The following PLXDC2 variants were observed in gnomAD, a reference collection of about 807,000 sequenced individuals.
The protein encoded by PLXDC2 is plexin domain-containing protein 2.
PLXDC2 carries 40 observed loss-of-function variants against 68.9 expected under a neutral mutation model. That is an observed-to-expected ratio of 0.58 (90% CI 0.45 to 0.76). The LOEUF (loss-of-function observed/expected upper bound fraction) is 0.76. PLXDC2 is among the 30% of genes least tolerant of loss of function. PLXDC2 has a pLI of 0.00. For missense variants in PLXDC2, 644 were observed against 661.9 expected (o/e 0.97, Z 0.30); for synonymous variants, 243 against 234.2 (o/e 1.04, Z -0.34).
chr10:20,082,064 C>CAAAAAAAAAA lies in PLXDC2; in HGVS notation c.541+13828_541+13837dup, dbSNP rs1252447303. Among the ~76,000 whole-genome samples, 247 of 70,008 alleles carry CAAAAAAAAAA rather than the reference C, an allele frequency of 3.5e-3. 11 individuals carry two copies. The highest frequency in any genetic ancestry group is 9.1e-3 in the Middle Eastern group (1 of 110). 45.9% of individuals were successfully genotyped at this position (70,008 alleles called of 152,430 possible). ...CCATCTGAAAAAAAAAAAAAAAAAT[C>CAAAAAAAAAA]AAAAAAAAAAAACAGGAGAAGTCTG... On this transcript the variant is annotated intron_variant, in intron 4 of 13. Transcript: ENST00000377252.
rs183438351 is a variant in PLXDC2 at position 20,038,818 on chromosome 10, C to A, written c.325-8051C>A. Among the ~76,000 whole-genome samples, 54 of 152,186 alleles carry A rather than the reference C, an allele frequency of 3.5e-4. No homozygotes were observed. In the East Asian group the frequency reaches 0.01, roughly 28 times the overall value. On this transcript the variant is annotated intron_variant, in intron 2 of 13. Transcript: ENST00000377252. The stretch of plus-strand genomic sequence containing the variant: ...CCACACCTCACTCCCTATAGGTCAC[C>A]TTCTAAGGTAATTGAAAAAGGTGGA...
At chr10:19,932,758 C>A (rs1052272635) in intron 1 of PLXDC2, among the ~76,000 whole-genome samples, 6 of 149,078 alleles carry the variant, frequency 4.0e-5, no homozygotes, top group South Asian at 2.2e-4. Context: ...ATTAAAAAAA[C>A]CACATTCTTT....
intron 13 of PLXDC2, among the ~76,000 whole-genome samples, chr10:20,259,117 A>G (rs938305602): frequency 2.6e-5 from 4 of 152,160 alleles, no homozygotes; most frequent in African/African-American, 9.6e-5. Context: ...ATGATTCTTT[A>G]TCTCTTATTG....
rs150815350 is a variant in PLXDC2 at position 19,903,055 on chromosome 10, A to G, written c.112+85864A>G. Among the ~76,000 whole-genome samples the G allele has an allele frequency of 1.4e-4, 22 of 152,272 alleles. 1 individual carries two copies. Among genetic ancestry groups the G allele is most frequent in the African/African-American group, 5.1e-4 (21 of 41,564 alleles). On this transcript the variant is annotated intron_variant, in intron 1 of 13. Transcript: ENST00000377252. Reference sequence around the variant, plus strand: ...GATCATGTCAGATTATCTTTTTGATATGCTGTGGGATTGAGTTAGCTAATA... The same window carrying G: ...GATCATGTCAGATTATCTTTTTGATGTGCTGTGGGATTGAGTTAGCTAATA...
At chr10:19,961,575 T>C (rs561179103) in intron 1 of PLXDC2, among the ~76,000 whole-genome samples, 1 of 152,354 alleles carries the variant, frequency 6.6e-6, no homozygotes, top group East Asian at 1.9e-4. Context: ...TGCAGTGAGC[T>C]AGGTTAACTT....
At chr10:19,902,398 G>A (rs1838175119) in intron 1 of PLXDC2, among the ~76,000 whole-genome samples, 1 of 152,046 alleles carries the variant, frequency 6.6e-6, no homozygotes, top group African/African-American at 2.4e-5. Flanking sequence ...TCCTTGGTAA[G>A]GTACATTCCT....
At chr10:20,105,268 A>G (rs1833477144) in intron 4 of PLXDC2, among the ~76,000 whole-genome samples, 1 of 152,134 alleles carries the variant, frequency 6.6e-6, no homozygotes, top group Admixed American at 6.5e-5. Flanking sequence ...ATGTACCACA[A>G]ATATTTGTGC....
Position 20,186,483 on chromosome 10 carries a change from G to A in PLXDC2, c.1061+9074G>A, listed in dbSNP as rs185930735. Among the ~76,000 whole-genome samples, 162 of 151,832 alleles carry A rather than the reference G, an allele frequency of 1.1e-3. 1 individual carries two copies. The highest frequency in any genetic ancestry group is 3.2e-3 in the African/African-American group (134 of 41,466). On this transcript the variant is annotated intron_variant, in intron 9 of 13. Transcript: ENST00000377252. ...TTATATAGGTAAACTCACGTCATGG[G>A]GGTTTGATATGTGGATTATTTTGTC...
chr10:20,271,905 T>A (rs1474320734), intron 13 of PLXDC2, among the ~76,000 whole-genome samples: 1 of 152,222 alleles, frequency 6.6e-6, no homozygotes, highest in Non-Finnish European at 1.5e-5. Context: ...CCCGTTCAAG[T>A]TTTTATGTAC....
chr10:20,103,893 T>C (rs2131741861), intron 4 of PLXDC2, among the ~76,000 whole-genome samples: 1 of 152,298 alleles, frequency 6.6e-6, no homozygotes, highest in South Asian at 2.1e-4. Context: ...TCCGCCTGCC[T>C]TGGCCGCCCA....
chr10:19,888,650 A>G (rs1837891859), intron 1 of PLXDC2, among the ~76,000 whole-genome samples: 2 of 152,182 alleles, frequency 1.3e-5, no homozygotes, highest in African/African-American at 2.4e-5. Context: ...GACAAGGACA[A>G]CATTGGAAGA....
chr10:19,977,911 G>A (rs1175240930), intron 1 of PLXDC2, among the ~76,000 whole-genome samples: 2 of 152,124 alleles, frequency 1.3e-5, no homozygotes, highest in East Asian at 1.9e-4. Flanking sequence ...CTTGAAAAAT[G>A]TAAACATTTA....
chr10:19,823,580 G>T (rs1836518631), intron 1 of PLXDC2, among the ~76,000 whole-genome samples: 1 of 151,936 alleles, frequency 6.6e-6, no homozygotes, highest in African/African-American at 2.4e-5. Context: ...CTACTCAGGA[G>T]GCTGAGGCAG....
chr10:20,051,338 T>G (rs1018174848), intron 3 of PLXDC2, among the ~76,000 whole-genome samples: 1 of 149,160 alleles, frequency 6.7e-6, no homozygotes, highest in Non-Finnish European at 1.5e-5. Context: ...TCCTATAACA[T>G]CAGTTCTCCT....
chr10:19,918,609 G>A (rs900508680), intron 1 of PLXDC2, among the ~76,000 whole-genome samples: 2 of 152,180 alleles, frequency 1.3e-5, no homozygotes, highest in Non-Finnish European at 1.5e-5. Context: ...AAAAATAGAA[G>A]CTTGGTCTGG....
chr10:20,162,075 G>A (rs1322778806), intron 6 of PLXDC2, among the ~76,000 whole-genome samples: 8 of 59,668 alleles, frequency 1.3e-4, no homozygotes, highest in African/African-American at 3.7e-4. Context: ...AGAGAGAGAA[G>A]GAAGGAAGGA....
chr10:19,897,158 T>A (rs1479337348), intron 1 of PLXDC2, among the ~76,000 whole-genome samples: 5 of 152,146 alleles, frequency 3.3e-5, no homozygotes, highest in Non-Finnish European at 1.5e-5. Flanking sequence ...AAAGAGCCTC[T>A]GTATTTCAGA....
chr10:20,036,189 G>A (rs2131672024), intron 2 of PLXDC2, among the ~76,000 whole-genome samples: 1 of 152,194 alleles, frequency 6.6e-6, no homozygotes, highest in Admixed American at 6.5e-5. Flanking sequence ...GAAGCCCTAG[G>A]CCCCATTGTG....
intron 9 of PLXDC2, among the ~76,000 whole-genome samples, chr10:20,180,381 T>C (rs1285574044): frequency 6.6e-6 from 1 of 152,110 alleles, no homozygotes; most frequent in Non-Finnish European, 1.5e-5. Flanking sequence ...TATGCCTCAT[T>C]GCACTTTTGT....
Sources: gnomAD v4.1 joint callset for allele counts (sites outside exome capture counted in the v4.1 genomes callset) on GRCh38, gnomAD v4.1.1 for gene constraint, MANE v1.5 for transcripts, NCBI Gene and HGNC (gene_info 2026-07-23, HGNC 2026-07-21) for gene names.